Variants in GALNT17 observed in about 807,000 individuals in gnomAD.
GALNT17 encodes the protein polypeptide N-acetylgalactosaminyltransferase 17, also known as UDP-GalNAc:polypeptide N-acetylgalactosaminyltransferase-like 3.
In GALNT17, 29 loss-of-function variants were observed where a neutral mutation model predicts 63.7. That is an observed-to-expected ratio of 0.46 (90% CI 0.34 to 0.62). The LOEUF (loss-of-function observed/expected upper bound fraction) is 0.62. GALNT17 is among the 20% of genes least tolerant of loss of function. The pLI is 0.01. For synonymous variants in GALNT17, 305 were observed against 318.3 expected (o/e 0.96, Z 0.45); for missense variants, 603 against 799.6 (o/e 0.75, Z 2.97).
intron 1 of GALNT17, among the ~76,000 whole-genome samples, chr7:71,298,697 T>C (rs532609833): frequency 1.5e-5 from 2 of 134,578 alleles, no homozygotes; most frequent in Non-Finnish European, 3.1e-5. Flanking sequence ...TGTGCACGAC[T>C]TTTATTCCAG....
intron 1 of GALNT17, among the ~76,000 whole-genome samples, chr7:71,201,814 G>A (rs1349966361): frequency 1.3e-5 from 2 of 151,866 alleles, no homozygotes; most frequent in African/African-American, 4.8e-5. Flanking sequence ...GTTATTTTTA[G>A]TAGAGACGGG....
At chr7:71,137,245 T>C (rs2116149806) in intron 1 of GALNT17, among the ~76,000 whole-genome samples, 1 of 149,868 alleles carries the variant, frequency 6.7e-6, no homozygotes, top group South Asian at 2.1e-4. Context: ...GTTCACGCCA[T>C]TCTCCTGCCT....
At chr7:71,601,357 C>G (rs1430044113) in intron 6 of GALNT17, among the ~76,000 whole-genome samples, 1 of 152,098 alleles carries the variant, frequency 6.6e-6, no homozygotes, top group Non-Finnish European at 1.5e-5. Flanking sequence ...GGAATCTCCA[C>G]ACTGTATTCC....
chr7:71,482,004 G>A (rs1787825742), intron 5 of GALNT17, among the ~76,000 whole-genome samples: 1 of 151,712 alleles, frequency 6.6e-6, no homozygotes, highest in African/African-American at 2.4e-5. Flanking sequence ...TCCCACAGTT[G>A]CATGAGGTCA....
intron 1 of GALNT17, among the ~76,000 whole-genome samples, chr7:71,164,873 G>A (rs1413838427): frequency 6.6e-6 from 1 of 152,208 alleles, no homozygotes; most frequent in Non-Finnish European, 1.5e-5. Flanking sequence ...GAATAAAATT[G>A]TGGTGGCTCT....
chr7:71,291,089 A>G (rs903722319), intron 1 of GALNT17, among the ~76,000 whole-genome samples: 1 of 152,210 alleles, frequency 6.6e-6, no homozygotes, highest in African/African-American at 2.4e-5. Context: ...TGCCCAATAA[A>G]TGGTTACCAA....
At chr7:71,175,408 C>CT (rs1361900639) in intron 1 of GALNT17, among the ~76,000 whole-genome samples, 1 of 152,330 alleles carries the variant, frequency 6.6e-6, no homozygotes, top group East Asian at 1.9e-4. Context: ...TATCTATTCT[C>CT]TATCTGTATC....
At chr7:71,512,740 G>A (rs1435347497) in intron 5 of GALNT17, among the ~76,000 whole-genome samples, 1 of 152,180 alleles carries the variant, frequency 6.6e-6, no homozygotes, top group Admixed American at 6.5e-5. Context: ...TACTGCCCTA[G>A]GCATTGTTCC....
intron 9 of GALNT17, chr7:71,685,355 CTGACCCAG>C (rs1025562366): frequency 1.3e-5 from 2 of 152,214 alleles, no homozygotes; most frequent in Non-Finnish European, 2.9e-5. Flanking sequence ...GTGTGGTCCA[CTGACCCAG>C]TGAACCCTCT....
At chr7:71,687,368 C>T (rs952871184) in intron 9 of GALNT17, among the ~76,000 whole-genome samples, 10 of 152,176 alleles carry the variant, frequency 6.6e-5, no homozygotes, top group East Asian at 1.9e-4. Flanking sequence ...GCTGGCGTGA[C>T]GGGGCTCTGG....
At chr7:71,272,866 C>T (rs941374036) in intron 1 of GALNT17, among the ~76,000 whole-genome samples, 3 of 152,102 alleles carry the variant, frequency 2.0e-5, no homozygotes, top group Non-Finnish European at 2.9e-5. Flanking sequence ...GTCTGTCTCT[C>T]CTGTTATGTA....
intron 1 of GALNT17, among the ~76,000 whole-genome samples, chr7:71,198,059 G>A (rs1789089821): frequency 6.6e-6 from 1 of 152,040 alleles, no homozygotes; most frequent in African/African-American, 2.4e-5. Flanking sequence ...TTAGCTGGAT[G>A]TGGTGGCGGG....
chr7:71,322,315 T>A (rs1791631366), intron 1 of GALNT17, among the ~76,000 whole-genome samples: 1 of 152,120 alleles, frequency 6.6e-6, no homozygotes, highest in African/African-American at 2.4e-5. Context: ...AAATAACCTT[T>A]GTAGAGCAAT....
chr7:71,165,657 G>A (rs1788426733), intron 1 of GALNT17, among the ~76,000 whole-genome samples: 1 of 152,202 alleles, frequency 6.6e-6, no homozygotes, highest in African/African-American at 2.4e-5. Context: ...AGTTTTGGGT[G>A]GGGACACAGC....
chr7:71,167,044 A>C (rs1044537663), intron 1 of GALNT17, among the ~76,000 whole-genome samples: 7 of 133,356 alleles, frequency 5.2e-5, no homozygotes, highest in African/African-American at 2.0e-4. Flanking sequence ...CTGGCTAAGT[A>C]CTTTTTTTTT....
At chr7:71,365,906 C>T (rs1792495715) in intron 2 of GALNT17, among the ~76,000 whole-genome samples, 1 of 152,016 alleles carries the variant, frequency 6.6e-6, no homozygotes, top group African/African-American at 2.4e-5. Context: ...AAAATAATTA[C>T]ACAACTCATT....
chr7:71,257,451 C>T (rs10275553), intron 1 of GALNT17, among the ~76,000 whole-genome samples: 1,690 of 152,264 alleles, frequency 0.011, 24 homozygotes, highest in African/African-American at 0.039. Flanking sequence ...AGCCAGCACT[C>T]CCCTCCACTG....
intron 1 of GALNT17, among the ~76,000 whole-genome samples, chr7:71,201,727 G>A (rs1210868900): frequency 6.6e-6 from 1 of 151,838 alleles, no homozygotes; most frequent in African/African-American, 2.4e-5. Flanking sequence ...CGCCTCCCGG[G>A]TTCAAGCAAT....
At chr7:71,595,764 T>C (rs536797716) in intron 6 of GALNT17, among the ~76,000 whole-genome samples, 239 of 151,912 alleles carry the variant, frequency 1.6e-3, no homozygotes, top group Non-Finnish European at 2.6e-3. Context: ...TCACATTCCA[T>C]TGGCCAAGAC....
Sources: gnomAD v4.1 joint callset for allele counts (sites outside exome capture counted in the v4.1 genomes callset) on GRCh38, gnomAD v4.1.1 for gene constraint, MANE v1.5 for transcripts, NCBI Gene and HGNC (gene_info 2026-07-23, HGNC 2026-07-21) for gene names.